Variants in CTNNA2 observed in about 807,000 individuals in gnomAD.
The protein encoded by CTNNA2 is catenin alpha 2.
CTNNA2 carries 42 observed loss-of-function variants against 101.0 expected under a neutral mutation model. The observed-to-expected ratio is 0.42, with a 90% CI of 0.32 to 0.54. CTNNA2 has a LOEUF of 0.54. CTNNA2 is among the 20% of genes least tolerant of loss of function. The pLI is 0.14. For synonymous variants in CTNNA2, 450 were observed against 456.4 expected (o/e 0.99, Z 0.18); for missense variants, 871 against 1,223.1 (o/e 0.71, Z 4.29).
In CTNNA2 at chr2:79,385,654, G is replaced by C. The variant is rs533860620; in HGVS notation, c.-135+11641G>C. Among the ~76,000 whole-genome samples, 150 of 152,002 alleles carry C rather than the reference G, an allele frequency of 9.9e-4. 1 individual carries two copies. The highest frequency in any genetic ancestry group is 3.5e-3 in the African/African-American group (145 of 41,460). On this transcript the variant is annotated intron_variant, in intron 4 of 21. Coordinates refer to the CTNNA2 transcript ENST00000466387. ...TAGGTTTTAAGCCCCACATGCATTA[G>C]GTATTTGTCCTAATGCTCTCCCTCC...
chr2:79,893,990 TTTCTTCTTCTTCTTCTTC>T (rs60336887), intron 6 of CTNNA2, among the ~76,000 whole-genome samples: 3,404 of 114,894 alleles, frequency 0.03, 73 homozygotes, highest in Middle Eastern at 0.048. Flanking sequence ...CTTAGGCTGT[TTTCTTCTTCTTCTTCTTC>T]TTCTTCTTCT....
intron 12 of CTNNA2, among the ~76,000 whole-genome samples, chr2:80,570,709 C>T (rs189953947): frequency 6.7e-4 from 102 of 152,256 alleles, no homozygotes; most frequent in Non-Finnish European, 1.2e-3. Flanking sequence ...TCTCCCCTAT[C>T]GTTTTTTTCT....
chr2:80,383,918 A>G (rs1676753917), intron 7 of CTNNA2, among the ~76,000 whole-genome samples: 1 of 152,044 alleles, frequency 6.6e-6, no homozygotes, highest in African/African-American at 2.4e-5. Context: ...GTCTCAACCT[A>G]AATGACCATC....
At chr2:80,222,700 G>C (rs903529383) in intron 7 of CTNNA2, among the ~76,000 whole-genome samples, 1 of 152,156 alleles carries the variant, frequency 6.6e-6, no homozygotes, top group Non-Finnish European at 1.5e-5. Flanking sequence ...AAACTCAAAA[G>C]TATTTGTCAT....
At chr2:79,946,959 T>A (rs997306148) in intron 7 of CTNNA2, among the ~76,000 whole-genome samples, 4 of 152,162 alleles carry the variant, frequency 2.6e-5, no homozygotes, top group African/African-American at 7.2e-5. Flanking sequence ...GATCCAAAGA[T>A]AAAGGGACTA....
At chr2:79,740,914 A>G (rs1008976223) in intron 2 of CTNNA2, among the ~76,000 whole-genome samples, 8 of 152,156 alleles carry the variant, frequency 5.3e-5, no homozygotes, top group Non-Finnish European at 1.0e-4. Flanking sequence ...GTAGATGAAT[A>G]TGAACTTTCA....
intron 7 of CTNNA2, among the ~76,000 whole-genome samples, chr2:80,278,528 G>T (rs187067370): frequency 6.6e-6 from 1 of 152,040 alleles, no homozygotes; most frequent in Non-Finnish European, 1.5e-5. Flanking sequence ...TGGTAGGGGG[G>T]CAGGATTCCC....
chr2:79,778,664 G>T (rs1461340320), intron 3 of CTNNA2, among the ~76,000 whole-genome samples: 1 of 151,976 alleles, frequency 6.6e-6, no homozygotes, highest in Non-Finnish European at 1.5e-5. Context: ...TATTTTACTT[G>T]TTGATATTTA....
chr2:79,466,635 G>A (rs1178007801), intron 4 of CTNNA2, among the ~76,000 whole-genome samples: 4 of 152,222 alleles, frequency 2.6e-5, no homozygotes, highest in Admixed American at 6.5e-5. Context: ...CCCAGTAGGG[G>A]CAGACTGACA....
chr2:79,233,218 G>A (rs1674517983), intron 2 of CTNNA2, among the ~76,000 whole-genome samples: 1 of 151,880 alleles, frequency 6.6e-6, no homozygotes, highest in African/African-American at 2.4e-5. Flanking sequence ...TTTTAACATT[G>A]TTTTAGCTGC....
At chr2:79,592,015 G>A (rs1049133583) in intron 1 of CTNNA2, among the ~76,000 whole-genome samples, 2 of 149,144 alleles carry the variant, frequency 1.3e-5, no homozygotes, top group Non-Finnish European at 3.0e-5. Context: ...TTCTCCTCTA[G>A]ATTAAAAAAT....
Position 80,306,384 on chromosome 2 carries a change from C to CTTTTA in CTNNA2, c.1057-86823_1057-86822insATTTT, listed in dbSNP as rs1221964181. 7.0e-3 allele frequency among the ~76,000 whole-genome samples: 928 copies of CTTTTA among 132,134 alleles called. 4 individuals carry two copies. Among genetic ancestry groups the CTTTTA allele is most frequent in the East Asian group, 0.024 (111 of 4,700 alleles). 86.7% of individuals were successfully genotyped at this position (132,134 alleles called of 152,430 possible). A position where few individuals can be genotyped will look rare whatever the true frequency, so the allele number is the denominator to read the frequency against. On this transcript the variant is annotated intron_variant, in intron 7 of 18. Transcript: ENST00000402739. ...GGTTTTTTCTTTCTTTCTTTCTTTT[C>CTTTTA]TTTTCTTTTCTTTTCTTTTCTTTCT...
chr2:80,420,325 A>G (rs1413285802), intron 9 of CTNNA2, among the ~76,000 whole-genome samples: 3 of 152,148 alleles, frequency 2.0e-5, no homozygotes, highest in Non-Finnish European at 4.4e-5. Flanking sequence ...AATAGAAAAT[A>G]GAGTTGTTGC....
intron 7 of CTNNA2, among the ~76,000 whole-genome samples, chr2:80,383,037 G>T (rs1282306458): frequency 6.6e-6 from 1 of 152,060 alleles, no homozygotes; most frequent in Non-Finnish European, 1.5e-5. Flanking sequence ...TCAGTTCATG[G>T]TCTCTTGCAG....
At chr2:79,741,914 G>A (rs1031777683) in intron 2 of CTNNA2, among the ~76,000 whole-genome samples, 2 of 152,120 alleles carry the variant, frequency 1.3e-5, no homozygotes, top group African/African-American at 4.8e-5. Flanking sequence ...TTTATTCCGA[G>A]CTGATTATGA....
chr2:80,569,120 A>G (rs145451337), intron 12 of CTNNA2, among the ~76,000 whole-genome samples: 1 of 152,096 alleles, frequency 6.6e-6, no homozygotes, highest in South Asian at 2.1e-4. Context: ...ACAACTTCTC[A>G]TTCATTTAAC....
intron 9 of CTNNA2, among the ~76,000 whole-genome samples, chr2:80,425,911 C>G (rs756738221): frequency 6.6e-6 from 1 of 152,064 alleles, no homozygotes; most frequent in African/African-American, 2.4e-5. Flanking sequence ...ATTGCTTTAA[C>G]AAGTGAAATT....
At chr2:80,504,943 T>C (rs575810177) in intron 9 of CTNNA2, among the ~76,000 whole-genome samples, 4 of 152,302 alleles carry the variant, frequency 2.6e-5, no homozygotes, top group Admixed American at 2.6e-4. Flanking sequence ...AGAACTTCTT[T>C]ATTGGGACGA....
chr2:79,452,954 A>C (rs374655339), intron 4 of CTNNA2, among the ~76,000 whole-genome samples: 2 of 152,286 alleles, frequency 1.3e-5, no homozygotes, highest in African/African-American at 4.8e-5. Flanking sequence ...GGAGAATAAA[A>C]ATGCCTACCA....
Sources: gnomAD v4.1 joint callset for allele counts (sites outside exome capture counted in the v4.1 genomes callset) on GRCh38, gnomAD v4.1.1 for gene constraint, MANE v1.5 for transcripts, NCBI Gene and HGNC (gene_info 2026-07-23, HGNC 2026-07-21) for gene names.